Variants in MGAT4C observed in about 807,000 individuals in gnomAD.
The protein encoded by MGAT4C is alpha-1,3-mannosyl-glycoprotein 4-beta-N-acetylglucosaminyltransferase C.
Under a neutral mutation model 40.1 loss-of-function variants are expected in MGAT4C, and 19 were observed. The ratio of observed to expected loss-of-function variants is 0.47; its 90% CI spans 0.33 to 0.70. The LOEUF (loss-of-function observed/expected upper bound fraction) is 0.70. Ranked by LOEUF, MGAT4C falls within the 30% of genes least tolerant of loss-of-function variation. The pLI, the probability that MGAT4C is intolerant of heterozygous loss-of-function variation, is 0.02. For synonymous variants in MGAT4C, 181 were observed against 187.1 expected, an observed-to-expected ratio of 0.97 and a Z score of 0.27; for missense variants, 491 against 563.2, an observed-to-expected ratio of 0.87 and a Z score of 1.30.
chr12:86,811,577 A>G (rs1952475393), intron 1 of MGAT4C, among the ~76,000 whole-genome samples: 1 of 150,972 alleles, frequency 6.6e-6, no homozygotes, highest in South Asian at 2.1e-4. Flanking sequence ...CTCGTCCTAA[A>G]GTGATCTGTC....
chr12:86,311,649 T>C (rs77726016), intron 4 of MGAT4C, among the ~76,000 whole-genome samples: 2 of 152,298 alleles, frequency 1.3e-5, no homozygotes, highest in Middle Eastern at 3.4e-3. Flanking sequence ...GCCCCGTGTT[T>C]AGGGTTTAAT....
chr12:86,395,373 A>G (rs144083539), intron 3 of MGAT4C, among the ~76,000 whole-genome samples: 24 of 152,174 alleles, frequency 1.6e-4, no homozygotes, highest in African/African-American at 5.8e-4. Context: ...GAGCATTCAC[A>G]GGGAAAAAAG....
At chr12:86,268,355 A>T (rs2136104383) in intron 4 of MGAT4C, among the ~76,000 whole-genome samples, 1 of 152,214 alleles carries the variant, frequency 6.6e-6, no homozygotes, top group Non-Finnish European at 1.5e-5. Flanking sequence ...GTATTAATAT[A>T]TTCAACTGGC....
chr12:86,359,504 T>TA (rs538400676), intron 3 of MGAT4C, among the ~76,000 whole-genome samples: 2,300 of 144,170 alleles, frequency 0.016, 51 homozygotes, highest in African/African-American at 0.055. Context: ...GATAGAGACA[T>TA]AAAAAAAAAA....
At chr12:86,663,544 T>C (rs773200672) in intron 2 of MGAT4C, among the ~76,000 whole-genome samples, 1 of 152,120 alleles carries the variant, frequency 6.6e-6, no homozygotes, top group African/African-American at 2.4e-5. Flanking sequence ...TTAAGTGTTA[T>C]TGATTTTTAC....
At chr12:86,488,432 A>T (rs1017565115) in intron 2 of MGAT4C, among the ~76,000 whole-genome samples, 1 of 151,740 alleles carries the variant, frequency 6.6e-6, no homozygotes, top group Non-Finnish European at 1.5e-5. Flanking sequence ...GTCTCAAAAA[A>T]AAAAAACAAA....
chr12:86,809,227 T>C (rs1356556166), intron 1 of MGAT4C, among the ~76,000 whole-genome samples: 5 of 152,058 alleles, frequency 3.3e-5, no homozygotes, highest in African/African-American at 1.2e-4. Flanking sequence ...TCTGAGTTAT[T>C]GAATGTGTAT....
intron 1 of MGAT4C, among the ~76,000 whole-genome samples, chr12:86,739,946 TTATAA>T (rs1951043785): frequency 6.6e-6 from 1 of 150,954 alleles, no homozygotes; most frequent in Non-Finnish European, 1.5e-5. Flanking sequence ...GAGAGTCTAT[TTATAA>T]TATAATATTC....
At chr12:86,127,255 T>C (rs1034583269) in intron 1 of MGAT4C, among the ~76,000 whole-genome samples, 9 of 152,184 alleles carry the variant, frequency 5.9e-5, no homozygotes, top group African/African-American at 2.2e-4. Flanking sequence ...CTGTACTAAA[T>C]AGTGTAGACA....
chr12:86,295,791 C>T (rs534594752), intron 4 of MGAT4C, among the ~76,000 whole-genome samples: 4 of 152,198 alleles, frequency 2.6e-5, no homozygotes, highest in South Asian at 2.1e-4. Flanking sequence ...TTCTCCAAGG[C>T]CCCACGAGAG....
chr12:86,120,164 G>T (rs1419956092), intron 1 of MGAT4C, among the ~76,000 whole-genome samples: 1 of 151,012 alleles, frequency 6.6e-6, no homozygotes, highest in Non-Finnish European at 1.5e-5. Context: ...TGTAACAAGA[G>T]AAAAAAATAT....
At chr12:86,307,905 G>T (rs1443012822) in intron 4 of MGAT4C, among the ~76,000 whole-genome samples, 1 of 150,026 alleles carries the variant, frequency 6.7e-6, no homozygotes, top group Non-Finnish European at 1.5e-5. Context: ...GGGTTTCACC[G>T]TGTTAGCCAG....
At chr12:86,673,450 CGCACACACACACAT>C (rs1410027133) in intron 2 of MGAT4C, among the ~76,000 whole-genome samples, 4 of 152,040 alleles carry the variant, frequency 2.6e-5, no homozygotes, top group Non-Finnish European at 5.9e-5. Context: ...CATGCGCAAG[CGCACACACACACAT>C]GCACACACAC....
chr12:86,057,209 G>A (rs1893492821), intron 1 of MGAT4C, among the ~76,000 whole-genome samples: 1 of 151,898 alleles, frequency 6.6e-6, no homozygotes, highest in Non-Finnish European at 1.5e-5. Context: ...ACAGGGTCTA[G>A]CTCTGTGGTT....
chr12:86,635,451 T>C (rs1195279752), intron 2 of MGAT4C, among the ~76,000 whole-genome samples: 3 of 152,050 alleles, frequency 2.0e-5, no homozygotes, highest in Non-Finnish European at 4.4e-5. Flanking sequence ...TATTAGCAGA[T>C]ATTAATGTAG....
rs951192180 is a variant in MGAT4C at position 86,641,996 on chromosome 12, C to A, written c.-229+85213G>T. ...TTAGTAAAATATTTTGTCAATAGGA[C>A]CATGTTTGAGTCAGGAGGACCATAT... On this transcript the variant is annotated intron_variant, in intron 2 of 7. Transcript: ENST00000548651. Among the ~76,000 whole-genome samples, 5 of 151,714 alleles carry A rather than the reference C, an allele frequency of 3.3e-5. No homozygotes were observed. In the South Asian group the frequency reaches 1.0e-3, roughly 31 times the overall value.
At position 86,232,162 on chromosome 12, in the gene MGAT4C, G is replaced by A. The variant is rs545925724; in HGVS notation, c.-57+24077C>T. Among the ~76,000 whole-genome samples the A allele has an allele frequency of 1.9e-3, 286 of 148,766 alleles. 1 individual carries two copies. The highest frequency in any genetic ancestry group is 6.9e-3 in the African/African-American group (280 of 40,516). ...AAAAGAAAAAAAAAAGGAGGGGGGC[G>A]GGTTGGGGGGTTAAGTAACTTACTA... On this transcript the variant is annotated intron_variant, in intron 1 of 4. Transcript: ENST00000611864.
At chr12:86,084,788 G>A (rs945826640) in intron 1 of MGAT4C, among the ~76,000 whole-genome samples, 4 of 151,790 alleles carry the variant, frequency 2.6e-5, no homozygotes, top group Non-Finnish European at 5.9e-5. Context: ...ACTGAATGAA[G>A]TAAGGAAGTC....
At chr12:86,776,376 T>C (rs1951748805) in intron 1 of MGAT4C, among the ~76,000 whole-genome samples, 1 of 152,026 alleles carries the variant, frequency 6.6e-6, no homozygotes, top group Non-Finnish European at 1.5e-5. Flanking sequence ...TTTTTTTTTC[T>C]TTTTGGCTTA....
Sources: allele counts gnomAD v4.1 joint callset (sites outside exome capture counted in the v4.1 genomes callset), GRCh38; gene constraint gnomAD v4.1.1; transcripts MANE v1.5; gene names NCBI Gene and HGNC (gene_info 2026-07-23, HGNC 2026-07-21).